PCBP3: variants seen among roughly 807,000 people sequenced by gnomAD.
PCBP3 encodes poly(rC)-binding protein 3.
A neutral mutation model predicts 52.7 loss-of-function variants in PCBP3; 25 were observed. That is an observed-to-expected ratio of 0.47 (90% confidence interval 0.35 to 0.66). The LOEUF (loss-of-function observed/expected upper bound fraction) is 0.66. Among genes scored for constraint, PCBP3 ranks in the 30% least tolerant of loss-of-function variants. The probability of loss-of-function intolerance (pLI) is 0.01; values close to 1 mark genes in which losing one functional copy is unlikely to be tolerated. For synonymous variants in PCBP3, 162 were observed against 183.0 expected, an observed-to-expected ratio of 0.89 and a Z score of 0.93; for missense variants, 391 against 490.3, an observed-to-expected ratio of 0.80 and a Z score of 1.91.
At chr21:45,684,598 C>A (rs530528354) in intron 2 of PCBP3, among the ~76,000 whole-genome samples, 1 of 152,118 alleles carries the variant, frequency 6.6e-6, no homozygotes, top group South Asian at 2.1e-4. Context: ...CTTCCCTGCT[C>A]CTTGCTTTCT....
At chr21:45,862,189 G>A (rs1291695587) in intron 5 of PCBP3, among the ~76,000 whole-genome samples, 1 of 137,714 alleles carries the variant, frequency 7.3e-6, no homozygotes, top group Non-Finnish European at 1.5e-5. Flanking sequence ...ATTGGGGCGG[G>A]TGGGGGGACA....
chr21:45,864,286 TCC>T (rs2148499868), intron 5 of PCBP3, among the ~76,000 whole-genome samples: 1 of 152,230 alleles, frequency 6.6e-6, no homozygotes, highest in Non-Finnish European at 1.5e-5. Flanking sequence ...AAGTCCAACA[TCC>T]GAGTGAGGCG....
chr21:45,889,677 C>G (rs2095605892), intron 5 of PCBP3, among the ~76,000 whole-genome samples: 1 of 152,196 alleles, frequency 6.6e-6, no homozygotes, highest in Non-Finnish European at 1.5e-5. Flanking sequence ...TTGAACAATT[C>G]CTGAGTCTCC....
At chr21:45,868,889 G>A (rs938770873) in intron 5 of PCBP3, among the ~76,000 whole-genome samples, 2 of 152,222 alleles carry the variant, frequency 1.3e-5, no homozygotes, top group Non-Finnish European at 2.9e-5. Context: ...TGGGCAGCTC[G>A]GTGGACACTT....
At chr21:45,672,705 T>A (rs2081248048) in intron 2 of PCBP3, among the ~76,000 whole-genome samples, 1 of 152,120 alleles carries the variant, frequency 6.6e-6, no homozygotes, top group Non-Finnish European at 1.5e-5. Flanking sequence ...ACCTGTAATC[T>A]CACCTGTGTG....
At position 45,704,046 on chromosome 21, in the gene PCBP3, C is replaced by T. The variant is rs749491817; in HGVS notation, c.-199-31346C>T. On this transcript the variant is annotated intron_variant, in intron 2 of 17. Transcript: ENST00000681687. This position sits in a 1 kb window ranked among gnomAD's most constrained non-coding sequence, Gnocchi z 4.1. ...ACCAAGTAGGGAGTACAAGGAGAGACGAGGATCCAGGATGGAGGCTGGCCC... is the reference window on the plus strand; with the variant it reads ...ACCAAGTAGGGAGTACAAGGAGAGATGAGGATCCAGGATGGAGGCTGGCCC... Among the ~76,000 whole-genome samples, 11 of 152,026 alleles carry T rather than the reference C, an allele frequency of 7.2e-5. No individual in the cohort carries two copies. The highest frequency in any genetic ancestry group is 7.2e-5 in the African/African-American group (3 of 41,384).
intron 11 of PCBP3, 90 bp from the exon 12 acceptor site, chr21:45,913,861 C>A: frequency 1.7e-6 from 2 of 1,211,264 alleles, no homozygotes; most frequent in Non-Finnish European, 2.3e-6. Flanking sequence ...GTGCAGGGGG[C>A]TGAGTGGGGT....
intron 2 of PCBP3, among the ~76,000 whole-genome samples, chr21:45,708,901 C>A (rs2083635901): frequency 6.6e-6 from 1 of 152,234 alleles, no homozygotes; most frequent in Admixed American, 6.5e-5. Context: ...GGGCGAGGCC[C>A]CCACTGGCAG....
chr21:45,941,025 C>A (rs1447613043), intron 17 of PCBP3, among the ~76,000 whole-genome samples: 1 of 152,220 alleles, frequency 6.6e-6, no homozygotes, highest in African/African-American at 2.4e-5. Context: ...CCTTCTCTTA[C>A]CTGCACGCCC....
At position 45,678,759 on chromosome 21, in the gene PCBP3, A is replaced by G. The variant is rs550728934; in HGVS notation, c.-200+9807A>G. Among the ~76,000 whole-genome samples the G allele has an allele frequency of 9.2e-5, 14 of 151,930 alleles. No homozygotes were observed. In the South Asian group the frequency reaches 2.7e-3, roughly 29 times the overall value. On this transcript the variant is annotated intron_variant, in intron 2 of 17. Transcript: ENST00000681687. Reference sequence around the variant, plus strand: ...TGTGAACATTGTTGAGATGACAACAAAGGGTTTAGAATATTAATATTACAT... The same window carrying G: ...TGTGAACATTGTTGAGATGACAACAGAGGGTTTAGAATATTAATATTACAT...
intron 9 of PCBP3, among the ~76,000 whole-genome samples, chr21:45,906,699 G>A (rs908996427): frequency 2.6e-5 from 4 of 152,126 alleles, no homozygotes; most frequent in African/African-American, 9.7e-5. Context: ...TTGCCGGTGG[G>A]CCGAGGAGTT....
At chr21:45,771,282 G>A (rs1043604712) in intron 4 of PCBP3, among the ~76,000 whole-genome samples, 1 of 152,222 alleles carries the variant, frequency 6.6e-6, no homozygotes, top group African/African-American at 2.4e-5. Context: ...TATTCCACAC[G>A]GGGTCCCATG....
rs748342743 is a variant in PCBP3 at position 45,837,449 on chromosome 21, G to A, written c.-125-12512G>A. Among the ~76,000 whole-genome samples, 7 of 152,252 alleles carry A rather than the reference G, an allele frequency of 4.6e-5. No homozygotes were observed. Among genetic ancestry groups the A allele is most frequent in the Non-Finnish European group, 1.0e-4 (7 of 68,052 alleles). ...TCTTGGAGCCTAGGGATGGCGCTGT[G>A]AGAACAGGCCACGGCGCCCTAGCTT... On this transcript the variant is annotated intron_variant, in intron 4 of 17. Transcript: ENST00000681687. The surrounding 1 kb of genome is among the most constrained non-coding windows in gnomAD (Gnocchi z 4.1).
chr21:45,755,366 A>G (rs894192779), intron 3 of PCBP3, among the ~76,000 whole-genome samples, 51 bp from the exon 4 acceptor site: 1 of 152,218 alleles, frequency 6.6e-6, no homozygotes, highest in African/African-American at 2.4e-5. Context: ...AATCTGCTAT[A>G]AACTTTCTTG....
At chr21:45,708,908 G>T (rs1199840064) in intron 2 of PCBP3, among the ~76,000 whole-genome samples, 1 of 152,256 alleles carries the variant, frequency 6.6e-6, no homozygotes, top group Non-Finnish European at 1.5e-5. Flanking sequence ...GCCCCCACTG[G>T]CAGGCCCATG....
At chr21:45,832,126 G>A (rs963594814) in intron 4 of PCBP3, among the ~76,000 whole-genome samples, 1 of 152,212 alleles carries the variant, frequency 6.6e-6, no homozygotes, top group African/African-American at 2.4e-5. Flanking sequence ...TAAACAAAGG[G>A]GGGATTATTC....
intron 4 of PCBP3, among the ~76,000 whole-genome samples, chr21:45,785,345 G>T (rs1412030620): frequency 9.5e-5 from 14 of 147,740 alleles, no homozygotes; most frequent in African/African-American, 3.3e-4. Context: ...AGGTGGGGGG[G>T]TCAGCCCCCC....
chr21:45,895,501 G>A lies in PCBP3; in HGVS notation c.11-707G>A, dbSNP rs550311455. Among the ~76,000 whole-genome samples, 11 of 152,300 alleles carry A rather than the reference G, an allele frequency of 7.2e-5. No homozygotes were observed. The South Asian group carries it at 2.1e-3, about 29-fold the overall frequency. On this transcript the variant is annotated intron_variant, in intron 5 of 17. Coordinates refer to ENST00000681687, the MANE Select transcript of PCBP3 (RefSeq NM_001384156.1). The stretch of plus-strand genomic sequence containing the variant: ...CACAAAGTCACCCTGACTGTTGCAC[G>A]AGTCCCTCACTTCCACTACCATCAT...
intron 4 of PCBP3, among the ~76,000 whole-genome samples, chr21:45,840,749 G>A (rs1347621215): frequency 2.6e-5 from 4 of 152,072 alleles, no homozygotes; most frequent in Admixed American, 2.6e-4. Context: ...TTAGCTTCCT[G>A]AATAGCTGGC....
Sources: allele counts gnomAD v4.1 joint callset (sites outside exome capture counted in the v4.1 genomes callset), GRCh38; gene constraint gnomAD v4.1.1; non-coding constraint Gnocchi (gnomAD v3.1); transcripts MANE v1.5; gene names NCBI Gene and HGNC (gene_info 2026-07-23, HGNC 2026-07-21).